The following TMEM182 variants were observed in gnomAD, a reference collection of about 807,000 sequenced individuals.
The protein encoded by TMEM182 is transmembrane protein 182.
A neutral mutation model predicts 26.8 loss-of-function variants in TMEM182; 20 were observed. That is an observed-to-expected ratio of 0.75 (90% CI 0.53 to 1.09). The LOEUF is 1.09. Among genes scored for constraint, TMEM182 ranks in the 50% least tolerant of loss-of-function variants. The pLI is 0.00. For missense variants in TMEM182, 277 were observed against 275.5 expected, an observed-to-expected ratio of 1.01 and a Z score of -0.04; for synonymous variants, 109 against 102.2, an observed-to-expected ratio of 1.07 and a Z score of -0.40.
chr2:102,838,317 G>A (rs935670248), intron 3 of TMEM182, among the ~76,000 whole-genome samples: 3 of 152,194 alleles, frequency 2.0e-5, no homozygotes, highest in African/African-American at 7.2e-5. Flanking sequence ...CTACTGAGAT[G>A]GCTACATATT....
rs75896266 is a variant in TMEM182, at chr2:102,812,091, A to G, written c.470-2657A>G. 5.0e-3 allele frequency among the ~76,000 whole-genome samples: 759 copies of G among 152,326 alleles called. 7 individuals carry two copies. The highest frequency in any genetic ancestry group is 0.017 in the African/African-American group (689 of 41,580). ...TCTATCAGTGAAAAACCATGAAGTC[A>G]CACTGATATATCCAATTCTAATCAA... On this transcript the variant is annotated intron_variant, in intron 4 of 4. Transcript: ENST00000412401.
At chr2:102,842,381 G>A (rs1022188486) in intron 3 of TMEM182, among the ~76,000 whole-genome samples, 27 of 152,070 alleles carry the variant, frequency 1.8e-4, no homozygotes, top group African/African-American at 5.1e-4. Context: ...TTGCAGTGCC[G>A]TTTCCAATGT....
At chr2:102,809,261 C>T (rs1682461630) in intron 4 of TMEM182, among the ~76,000 whole-genome samples, 1 of 152,176 alleles carries the variant, frequency 6.6e-6, no homozygotes, top group Non-Finnish European at 1.5e-5. Flanking sequence ...TTCAGTGTCC[C>T]TGTGCAGATC....
Position 102,815,548 on chromosome 2 carries a change from ACTTAT to A in TMEM182, c.*584_*588del. The A allele has an allele frequency of 1.0e-6, 1 of 985,512 alleles. No homozygotes were observed. Among genetic ancestry groups the A allele is most frequent in the Non-Finnish European group, 1.2e-6 (1 of 829,980 alleles). 61.0% of individuals were successfully genotyped at this position (985,512 alleles called of 1,614,324 possible). A position where few individuals can be genotyped will look rare whatever the true frequency, so the allele number is the denominator to read the frequency against. On this transcript the variant is annotated 3_prime_UTR_variant, in exon 5 of 5. Coordinates refer to ENST00000412401, the MANE Select transcript of TMEM182 (RefSeq NM_144632.5). ...ACAACAAACAAGACTGAGAGCATGT[ACTTAT>A]CTTGCTTTTTCACCAACAGTGGTTT... is the stretch of plus-strand genomic sequence containing the variant.
Position 102,814,828 on chromosome 2 carries a change from A to C in TMEM182, c.550A>C (p.Lys184Gln). Residue 184 changes from lysine to glutamine, a missense_variant, in exon 5 of 5, where the codon AAA becomes CAA. By Grantham distance (53) the Lys-to-Gln change is moderately conservative. Coordinates refer to ENST00000412401, the MANE Select transcript of TMEM182 (RefSeq NM_144632.5). The part of the protein sequence containing the change: ...VADMESYRNM[K>Q]MKDCLDFTPS... ...TGACATGGAAAGCTACCGAAACATG[A>C]AAATGAAGGACTGCCTGGATTTCAC... is the stretch of plus-strand genomic sequence containing the variant. 1.2e-6 allele frequency: 2 copies of C among 1,613,878 alleles called. No homozygotes were observed. The highest frequency in any genetic ancestry group is 1.7e-6 in the Non-Finnish European group (2 of 1,179,940).
At chr2:102,811,978 G>C (rs1197602003) in intron 4 of TMEM182, among the ~76,000 whole-genome samples, 1 of 152,160 alleles carries the variant, frequency 6.6e-6, no homozygotes, top group Non-Finnish European at 1.5e-5. Flanking sequence ...TCAAGAAAGA[G>C]AGCCACAAAA....
chr2:102,843,619 TG>T (rs1467085795), exon 4 of TMEM182: 6 of 152,248 alleles, frequency 3.9e-5, no homozygotes, highest in African/African-American at 1.4e-4. Context: ...CCCATTTAGT[TG>T]CAAGACACTT....
At chr2:102,786,709 T>A (rs1294013867) in intron 3 of TMEM182, among the ~76,000 whole-genome samples, 3 of 152,232 alleles carry the variant, frequency 2.0e-5, no homozygotes, top group Non-Finnish European at 2.9e-5. Context: ...GGCCATTGAA[T>A]ATCTCATTAA....
chr2:102,789,826 A>G (rs1271931826), intron 3 of TMEM182, among the ~76,000 whole-genome samples: 4 of 151,850 alleles, frequency 2.6e-5, no homozygotes, highest in Non-Finnish European at 2.9e-5. Context: ...CAGGTTCCCC[A>G]TTTTCTCTTC....
chr2:102,773,112 G>A (rs1345911068), intron 3 of TMEM182, among the ~76,000 whole-genome samples: 1 of 152,038 alleles, frequency 6.6e-6, no homozygotes, highest in Non-Finnish European at 1.5e-5. Flanking sequence ...TCTTTAGCTG[G>A]TAATTGTGAT....
At chr2:102,837,155 T>C (rs529292728) in intron 3 of TMEM182, among the ~76,000 whole-genome samples, 1 of 152,338 alleles carries the variant, frequency 6.6e-6, no homozygotes, top group African/African-American at 2.4e-5. Flanking sequence ...TCATATGTCA[T>C]AGTTAATTCT....
At chr2:102,780,072 T>C (rs1681105429) in intron 3 of TMEM182, among the ~76,000 whole-genome samples, 1 of 151,590 alleles carries the variant, frequency 6.6e-6, no homozygotes, top group South Asian at 2.1e-4. Context: ...TTTTGTATCA[T>C]GGCTATTTCC....
chr2:102,745,691 A>G (rs568599791), intron 1 of TMEM182, among the ~76,000 whole-genome samples: 2 of 152,256 alleles, frequency 1.3e-5, no homozygotes, highest in African/African-American at 2.4e-5. Context: ...CTGTCTCTAT[A>G]TATTTATCTG....
At chr2:102,759,837 C>G (rs1162337341), upstream of TMEM182, among the ~76,000 whole-genome samples, 1 of 152,124 alleles carries the variant, frequency 6.6e-6, no homozygotes, top group African/African-American at 2.4e-5. Context: ...TTGTGGTCCC[C>G]TTCCTCTGTC....
chr2:102,760,226 T>C (rs1680165467), upstream of TMEM182, among the ~76,000 whole-genome samples: 2 of 152,196 alleles, frequency 1.3e-5, no homozygotes, highest in South Asian at 2.1e-4. Context: ...TAGAAAAATA[T>C]AGCTTAGACC....
upstream of TMEM182, among the ~76,000 whole-genome samples, chr2:102,760,892 T>G (rs1680187755): frequency 6.6e-6 from 1 of 152,130 alleles, no homozygotes; most frequent in African/African-American, 2.4e-5. Flanking sequence ...CCACCGCGCC[T>G]GGCCTTATTC....
chr2:102,830,707 C>T (rs974946042), intron 3 of TMEM182, among the ~76,000 whole-genome samples: 4 of 152,152 alleles, frequency 2.6e-5, no homozygotes, highest in African/African-American at 9.7e-5. Context: ...TCCAGTTACA[C>T]TGTTTAAGTT....
chr2:102,834,682 G>A (rs1683209690), intron 3 of TMEM182, among the ~76,000 whole-genome samples: 1 of 152,184 alleles, frequency 6.6e-6, no homozygotes. Flanking sequence ...TTAGTCTGCT[G>A]GTCAGGCTCA....
chr2:102,806,180 A>T (rs1043178828), intron 4 of TMEM182, among the ~76,000 whole-genome samples: 3 of 150,490 alleles, frequency 2.0e-5, no homozygotes, highest in Non-Finnish European at 4.4e-5. Context: ...AAGTTTTATA[A>T]TTTTTTTTTT....
Sources: allele counts gnomAD v4.1 joint callset (sites outside exome capture counted in the v4.1 genomes callset), GRCh38; gene constraint gnomAD v4.1.1; transcripts MANE v1.5; gene names NCBI Gene and HGNC (gene_info 2026-07-23, HGNC 2026-07-21).